The following EYS variants were observed in gnomAD, a reference collection of about 807,000 sequenced individuals.
The protein encoded by EYS is EGF-like photoreceptor maintenance factor.
In EYS, 250 loss-of-function variants were observed where a neutral mutation model predicts 282.1. The ratio of observed to expected loss-of-function variants is 0.89; its 90% CI spans 0.80 to 0.98. The LOEUF (loss-of-function observed/expected upper bound fraction) is 0.98, where lower values mean the gene tolerates loss of function less well. Among genes scored for constraint, EYS ranks in the 50% least tolerant of loss-of-function variants. The pLI is 0.00. For synonymous variants in EYS, 1,355 were observed against 1,282.9 expected, an observed-to-expected ratio of 1.06 and a Z score of -1.20; for missense variants, 4,016 against 3,709.0, an observed-to-expected ratio of 1.08 and a Z score of -2.15.
At chr6:63,956,968 T>A (rs1048074919) in intron 35 of EYS, among the ~76,000 whole-genome samples, 3 of 152,216 alleles carry the variant, frequency 2.0e-5, no homozygotes, top group African/African-American at 7.2e-5. Flanking sequence ...TATAGCTTCA[T>A]CACACATTAC....
intron 31 of EYS, among the ~76,000 whole-genome samples, chr6:64,127,768 G>A (rs1773832380): frequency 6.6e-6 from 1 of 152,028 alleles, no homozygotes. Flanking sequence ...GATATCTCAG[G>A]TTATCAGATT....
At chr6:65,589,142 G>C (rs1765149286) in intron 2 of EYS, among the ~76,000 whole-genome samples, 1 of 151,868 alleles carries the variant, frequency 6.6e-6, no homozygotes, top group African/African-American at 2.4e-5. Context: ...CTTCCTACCA[G>C]GATTTGCTTA....
At chr6:64,290,737 C>T (rs1051972961) in intron 30 of EYS, among the ~76,000 whole-genome samples, 3 of 151,494 alleles carry the variant, frequency 2.0e-5, no homozygotes, top group Non-Finnish European at 2.9e-5. Flanking sequence ...ATCATATGTT[C>T]GAGTCGTAAG....
intron 12 of EYS, among the ~76,000 whole-genome samples, chr6:65,273,114 T>C (rs555661435): frequency 5.9e-5 from 9 of 152,306 alleles, no homozygotes; most frequent in African/African-American, 1.9e-4. Flanking sequence ...GGGAGAAAGA[T>C]GATGTGAGAT....
At chr6:64,988,280 T>C (rs542261512) in intron 14 of EYS, among the ~76,000 whole-genome samples, 56 of 151,674 alleles carry the variant, frequency 3.7e-4, no homozygotes, top group Admixed American at 1.7e-3. Context: ...GTCTATCAGA[T>C]GCAGAGCATT....
chr6:64,677,141 A>G (rs963817874), intron 22 of EYS, among the ~76,000 whole-genome samples: 2 of 152,174 alleles, frequency 1.3e-5, no homozygotes, highest in Admixed American at 6.5e-5. Flanking sequence ...AACAATATTA[A>G]TCATAAATAT....
intron 2 of EYS, among the ~76,000 whole-genome samples, chr6:65,618,728 A>G (rs372651381): frequency 6.6e-6 from 1 of 152,100 alleles, no homozygotes; most frequent in Non-Finnish European, 1.5e-5. Flanking sequence ...ATTGATTTTT[A>G]TATAAGGTGT....
At chr6:63,873,446 A>G (rs1485298123) in intron 35 of EYS, among the ~76,000 whole-genome samples, 2 of 152,186 alleles carry the variant, frequency 1.3e-5, no homozygotes, top group Admixed American at 6.5e-5. Flanking sequence ...TATTGTGAAT[A>G]GTGCTGAAAT....
chr6:64,874,948 G>C (rs1453959622), intron 19 of EYS, among the ~76,000 whole-genome samples: 1 of 149,234 alleles, frequency 6.7e-6, no homozygotes, highest in Non-Finnish European at 1.5e-5. Context: ...ACTCAGTACA[G>C]CTCATTCCAA....
At chr6:64,785,903 A>G (rs1211466071) in intron 22 of EYS, among the ~76,000 whole-genome samples, 1 of 152,228 alleles carries the variant, frequency 6.6e-6, no homozygotes, top group Non-Finnish European at 1.5e-5. Context: ...GAATCTTTCA[A>G]AATGTCAGTA....
At chr6:64,965,295 T>C (rs1770054977) in intron 14 of EYS, among the ~76,000 whole-genome samples, 1 of 151,950 alleles carries the variant, frequency 6.6e-6, no homozygotes, top group Non-Finnish European at 1.5e-5. Context: ...TACTATAATG[T>C]CCATATAGGA....
At chr6:65,280,348 ATGTC>A (rs1768182401) in intron 12 of EYS, among the ~76,000 whole-genome samples, 1 of 152,092 alleles carries the variant, frequency 6.6e-6, no homozygotes, top group African/African-American at 2.4e-5. Context: ...TCAAAAACAA[ATGTC>A]TGTATCAGAC....
intron 22 of EYS, among the ~76,000 whole-genome samples, chr6:64,788,605 A>G (rs986065399): frequency 6.6e-6 from 1 of 152,174 alleles, no homozygotes; most frequent in African/African-American, 2.4e-5. Flanking sequence ...TAACACTGAT[A>G]TTCAAGTGAC....
At chr6:63,769,610 G>C (rs950675469) in intron 40 of EYS, among the ~76,000 whole-genome samples, 9 of 152,064 alleles carry the variant, frequency 5.9e-5, no homozygotes, top group Non-Finnish European at 1.3e-4. Context: ...GTGATTAATA[G>C]CTCATCATGA....
intron 22 of EYS, among the ~76,000 whole-genome samples, chr6:64,764,342 C>G (rs573926385): frequency 6.6e-6 from 1 of 152,216 alleles, no homozygotes; most frequent in African/African-American, 2.4e-5. Context: ...CCCAACACCA[C>G]GTGGAAGCTG....
intron 26 of EYS, among the ~76,000 whole-genome samples, chr6:64,535,285 AC>A (rs900182306): frequency 1.3e-5 from 2 of 152,192 alleles, no homozygotes; most frequent in African/African-American, 4.8e-5. Context: ...TGTTTCTCTT[AC>A]CTTCTGATTA....
chr6:64,568,450 G>A (rs1358228745), intron 26 of EYS, among the ~76,000 whole-genome samples: 3 of 152,194 alleles, frequency 2.0e-5, no homozygotes, highest in Admixed American at 6.5e-5. Flanking sequence ...TCTCTGGGCA[G>A]CGCATCTCTG....
chr6:64,349,752 A>G (rs2150402394), intron 29 of EYS, among the ~76,000 whole-genome samples: 1 of 151,624 alleles, frequency 6.6e-6, no homozygotes, highest in Middle Eastern at 3.5e-3. Flanking sequence ...TGCCCTATTG[A>G]TAGTTGAATG....
At chr6:64,445,188 T>C (rs1272010941) in intron 26 of EYS, among the ~76,000 whole-genome samples, 1 of 152,202 alleles carries the variant, frequency 6.6e-6, no homozygotes, top group Non-Finnish European at 1.5e-5. Context: ...TTTGTGGTGT[T>C]TTCTATTTAA....
Sources: gnomAD v4.1 joint callset for allele counts (sites outside exome capture counted in the v4.1 genomes callset) on GRCh38, gnomAD v4.1.1 for gene constraint, MANE v1.5 for transcripts, NCBI Gene and HGNC (gene_info 2026-07-23, HGNC 2026-07-21) for gene names.